Variants in CENPW observed in about 807,000 individuals in gnomAD.
The protein encoded by CENPW is centromere protein W.
Under a neutral mutation model 11.1 loss-of-function variants are expected in CENPW, and 3 were observed. The observed-to-expected ratio is 0.27, with a 90% CI of 0.12 to 0.70. The LOEUF is 0.70. Among genes scored for constraint, CENPW ranks in the 30% least tolerant of loss-of-function variants. CENPW has a pLI of 0.77. For synonymous variants in CENPW, 38 were observed against 42.0 expected (o/e 0.91, Z 0.37); for missense variants, 100 against 105.6 (o/e 0.95, Z 0.23).
the CENPW span, among the ~76,000 whole-genome samples, chr6:126,428,044 T>A: frequency 6.6e-6 from 1 of 152,250 alleles, no homozygotes; most frequent in African/African-American, 2.4e-5. Flanking sequence ...AGCAATAGGA[T>A]GTCTCACCCG....
chr6:126,482,869 T>A, the CENPW span, among the ~76,000 whole-genome samples: 1 of 152,006 alleles, frequency 6.6e-6, no homozygotes, highest in Non-Finnish European at 1.5e-5. Context: ...AATAAAACTG[T>A]CAATTTGCAC....
chr6:126,397,531 T>G, the CENPW span, among the ~76,000 whole-genome samples: 184 of 152,288 alleles, frequency 1.2e-3, no homozygotes, highest in Non-Finnish European at 2.1e-3. Context: ...ATATTATGAT[T>G]GCTCATCTCG....
the CENPW span, among the ~76,000 whole-genome samples, chr6:126,387,758 T>G: frequency 1.3e-5 from 2 of 151,924 alleles, no homozygotes; most frequent in South Asian, 4.1e-4. Context: ...ATGCCTAAAT[T>G]AGTTTCCAAA....
At chr6:126,344,659 G>A (rs896168371) in intron 1 of CENPW, among the ~76,000 whole-genome samples, 4 of 152,176 alleles carry the variant, frequency 2.6e-5, no homozygotes, top group African/African-American at 9.6e-5. Flanking sequence ...AATGAAGATA[G>A]TGCATCAAAA....
chr6:126,414,806 AAAG>A, the CENPW span, among the ~76,000 whole-genome samples: 1 of 151,888 alleles, frequency 6.6e-6, no homozygotes, highest in Non-Finnish European at 1.5e-5. Context: ...AACTAAAAAA[AAAG>A]ATGAAGAAAA....
At chr6:126,453,972 A>G in the CENPW span, among the ~76,000 whole-genome samples, 3 of 151,396 alleles carry the variant, frequency 2.0e-5, no homozygotes, top group African/African-American at 7.3e-5. Context: ...CAACAACATA[A>G]AGAAGGGCAC....
the CENPW span, among the ~76,000 whole-genome samples, chr6:126,411,220 G>A: frequency 6.6e-6 from 1 of 152,230 alleles, no homozygotes; most frequent in African/African-American, 2.4e-5. Flanking sequence ...GTGCAGTGAT[G>A]TAGTCTCTGC....
chr6:126,447,002 C>G, the CENPW span, among the ~76,000 whole-genome samples: 1 of 151,092 alleles, frequency 6.6e-6, no homozygotes, highest in African/African-American at 2.4e-5. Context: ...AATTATTCAC[C>G]TGGAAGGAGT....
chr6:126,361,440 C>T, the CENPW span, among the ~76,000 whole-genome samples: 3 of 152,192 alleles, frequency 2.0e-5, no homozygotes, highest in African/African-American at 7.2e-5. Context: ...GGACTACAGG[C>T]GCCGGCTACC....
At chr6:126,416,140 T>C in the CENPW span, among the ~76,000 whole-genome samples, 2 of 152,132 alleles carry the variant, frequency 1.3e-5, no homozygotes, top group African/African-American at 2.4e-5. Context: ...GAGAAACTTG[T>C]TGGGAACTGG....
the CENPW span, among the ~76,000 whole-genome samples, chr6:126,404,854 GTTT>G: frequency 1.5e-5 from 2 of 137,794 alleles, no homozygotes; most frequent in African/African-American, 5.3e-5. Flanking sequence ...AAGTATTTGG[GTTT>G]TTTTTTTTTT....
At chr6:126,414,111 T>A in the CENPW span, among the ~76,000 whole-genome samples, 22 of 152,080 alleles carry the variant, frequency 1.4e-4, no homozygotes, top group African/African-American at 4.8e-4. Flanking sequence ...AATTCAGGAA[T>A]ACAATATATC....
At chr6:126,419,577 C>G in the CENPW span, among the ~76,000 whole-genome samples, 2 of 152,118 alleles carry the variant, frequency 1.3e-5, no homozygotes, top group African/African-American at 4.8e-5. Flanking sequence ...TCTACTGCTG[C>G]TATAATTTAC....
At chr6:126,420,980 C>A in the CENPW span, among the ~76,000 whole-genome samples, 1 of 151,846 alleles carries the variant, frequency 6.6e-6, no homozygotes, top group African/African-American at 2.4e-5. Flanking sequence ...TATATATGAT[C>A]AAGAATTGAG....
the CENPW span, among the ~76,000 whole-genome samples, chr6:126,387,246 T>C: frequency 6.6e-6 from 1 of 151,948 alleles, no homozygotes. Context: ...TCTACATATC[T>C]GCAGGCCAGA....
At chr6:126,430,919 C>CA in the CENPW span, among the ~76,000 whole-genome samples, 1,525 of 147,480 alleles carry the variant, frequency 0.01, 20 homozygotes, top group African/African-American at 0.036. Flanking sequence ...GACTCCATCT[C>CA]AAAAAAAAAT....
At chr6:126,369,328 T>G in the CENPW span, among the ~76,000 whole-genome samples, 2 of 152,320 alleles carry the variant, frequency 1.3e-5, no homozygotes, top group Admixed American at 6.5e-5. Flanking sequence ...AAATGGTAGT[T>G]CTACTTTTCA....
chr6:126,481,835 AT>A, the CENPW span, among the ~76,000 whole-genome samples: 1 of 152,160 alleles, frequency 6.6e-6, no homozygotes, highest in Non-Finnish European at 1.5e-5. Flanking sequence ...TATACTTGGT[AT>A]AGTCAATTAT....
At chr6:126,432,066 CAAAAAAAAAAA>C in the CENPW span, among the ~76,000 whole-genome samples, 5 of 36,562 alleles carry the variant, frequency 1.4e-4, no homozygotes, top group Non-Finnish European at 2.8e-4. Context: ...CTCCATCTCA[CAAAAAAAAAAA>C]AAAAAAAAAA....
Sources: gnomAD v4.1 joint callset for allele counts (sites outside exome capture counted in the v4.1 genomes callset) on GRCh38, gnomAD v4.1.1 for gene constraint, MANE v1.5 for transcripts, NCBI Gene and HGNC (gene_info 2026-07-23, HGNC 2026-07-21) for gene names.